The following TBC1D4 variants were observed in gnomAD, a reference collection of about 807,000 sequenced individuals.
TBC1D4 encodes the protein TBC1 domain family member 4, also known as TBC (Tre-2, BUB2, CDC16) domain-containing protein.
TBC1D4 carries 121 observed loss-of-function variants against 142.5 expected under a neutral mutation model. That is an observed-to-expected ratio of 0.85 (90% CI 0.73 to 0.99). The LOEUF (loss-of-function observed/expected upper bound fraction) is 0.99. TBC1D4 is among the 50% of genes least tolerant of loss of function. The pLI is 0.00. For missense variants in TBC1D4, 1,475 were observed against 1,606.6 expected (o/e 0.92, Z 1.40); for synonymous variants, 630 against 628.2 (o/e 1.00, Z -0.04).
intron 1 of TBC1D4, among the ~76,000 whole-genome samples, chr13:75,370,361 A>G (rs1273235006): frequency 1.3e-5 from 2 of 152,176 alleles, no homozygotes; most frequent in Non-Finnish European, 2.9e-5. Context: ...TGTGGAAATG[A>G]CATGATCTAA....
intron 17 of TBC1D4, among the ~76,000 whole-genome samples, chr13:75,296,272 C>A (rs934060471): frequency 6.6e-6 from 1 of 151,500 alleles, no homozygotes; most frequent in Non-Finnish European, 1.5e-5. Context: ...TCCTTTAGAC[C>A]ATTTACATCG....
intron 1 of TBC1D4, among the ~76,000 whole-genome samples, chr13:75,378,537 T>C (rs772218212): frequency 3.3e-5 from 5 of 152,098 alleles, no homozygotes; most frequent in African/African-American, 4.8e-5. Context: ...ACTGAAAAGA[T>C]AAACAGATAC....
intron 1 of TBC1D4, among the ~76,000 whole-genome samples, chr13:75,434,805 T>A (rs1486524447): frequency 6.6e-6 from 1 of 151,750 alleles, no homozygotes; most frequent in Non-Finnish European, 1.5e-5. Context: ...ATCTAAAAAC[T>A]GTTGCTTTCA....
intron 19 of TBC1D4, among the ~76,000 whole-genome samples, chr13:75,289,790 G>A (rs74723191): frequency 0.018 from 2,673 of 152,220 alleles, 77 homozygotes; most frequent in African/African-American, 0.06. Flanking sequence ...TAGGAAGGTC[G>A]TTTGCTTTGA....
Position 75,326,500 on chromosome 13 carries a change from G to A in TBC1D4, c.1807-77C>T, listed in dbSNP as rs1338590166. The A allele has an allele frequency of 1.2e-5, 17 of 1,447,396 alleles. No individual in the cohort carries two copies. The East Asian group carries it at 3.7e-4, about 31-fold the overall frequency. 89.7% of individuals were successfully genotyped at this position (1,447,396 alleles called of 1,614,324 possible). A position where few individuals can be genotyped will look rare whatever the true frequency, so the allele number is the denominator to read the frequency against. On this transcript the variant is annotated intron_variant, in intron 9 of 20. Coordinates refer to ENST00000377636, the MANE Select transcript of TBC1D4 (RefSeq NM_014832.5). Reference sequence around the variant, plus strand: ...ACCTGCCAAAACACAGAGCTCAAAAGTGACAGTGTGCCTCATCTTCCTCCT... The same window carrying A: ...ACCTGCCAAAACACAGAGCTCAAAAATGACAGTGTGCCTCATCTTCCTCCT...
Position 75,294,965 on chromosome 13 carries a change from G to T in TBC1D4, c.3205C>A (p.Leu1069Ile), listed in dbSNP as rs761296235. Reference protein sequence around the residue: ...SRLLHDYHRDLYNHLEENEIS... With the variant: ...SRLLHDYHRDIYNHLEENEIS... The stretch of plus-strand genomic sequence containing the variant: ...TCATTTTCTTCAAGGTGATTGTAGA[G>T]ATCTCTGTGATAGTCATGAAGGAGC... The change falls in exon 18 of 21, where the codon CTC becomes ATC. Residue 1069 changes from leucine (L) to isoleucine (I), a missense_variant. By Grantham distance (5) the Leu-to-Ile change is conservative. Around this residue, in one of 2 missense-constraint regions of TBC1D4, gnomAD observed 248 missense variants for 338.9 expected, o/e 0.73. Transcript: ENST00000377636. The T allele has an allele frequency of 1.9e-6, 3 of 1,613,900 alleles. No homozygotes were observed. In the East Asian group the frequency reaches 6.7e-5, roughly 36 times the overall value.
chr13:75,402,130 A>G (rs573567215), intron 1 of TBC1D4, among the ~76,000 whole-genome samples: 1 of 152,220 alleles, frequency 6.6e-6, no homozygotes, highest in African/African-American at 2.4e-5. Context: ...CATGGCACAG[A>G]TTCTAGTAGA....
chr13:75,341,583 G>A lies in TBC1D4; in HGVS notation c.1413C>T (p.Leu471=), dbSNP rs1880708172. ...TCACCAGCTTGGCTCTTGGTGGGTA[G>A]AGACCTAAGGAAAATGATGAGGGAA... The part of the protein sequence containing the change: ...LHKLCERIEG[L]YPPRAKLVIQ... The change falls in exon 6 of 21, where the codon CTC becomes CTT. Residue 471 remains leucine (L), a synonymous_variant. Coordinates refer to ENST00000377636, the MANE Select transcript of TBC1D4 (RefSeq NM_014832.5). 6.2e-7 allele frequency: 1 copy of A among 1,613,382 alleles called. No individual in the cohort carries two copies. Among genetic ancestry groups the A allele is most frequent in the East Asian group, 2.2e-5 (1 of 44,866 alleles).
chr13:75,477,402 T>C (rs748971232), intron 1 of TBC1D4, among the ~76,000 whole-genome samples: 30 of 152,252 alleles, frequency 2.0e-4, no homozygotes, highest in Admixed American at 3.3e-4. Context: ...AGAACACAAT[T>C]TGTAAAGTCT....
At chr13:75,298,128 A>G (rs1227190478) in intron 17 of TBC1D4, among the ~76,000 whole-genome samples, 1 of 152,246 alleles carries the variant, frequency 6.6e-6, no homozygotes, top group Non-Finnish European at 1.5e-5. Context: ...TTTTAAAAGC[A>G]TCTTTAAACT....
chr13:75,451,910 C>A (rs35213804), intron 1 of TBC1D4, among the ~76,000 whole-genome samples: 14,752 of 151,784 alleles, frequency 0.097, 904 homozygotes, highest in Middle Eastern at 0.15. Context: ...GTGAAGCAAA[C>A]CAAATAATTA....
At chr13:75,475,843 G>C (rs890638883) in intron 1 of TBC1D4, among the ~76,000 whole-genome samples, 1 of 152,180 alleles carries the variant, frequency 6.6e-6, no homozygotes, top group African/African-American at 2.4e-5. Context: ...ACATACTTGG[G>C]AACAGAAGTG....
chr13:75,478,638 GC>G (rs1255778066), intron 1 of TBC1D4, among the ~76,000 whole-genome samples: 1 of 152,144 alleles, frequency 6.6e-6, no homozygotes, highest in Non-Finnish European at 1.5e-5. Flanking sequence ...ACTATCCACA[GC>G]CAACTCTGCA....
At chr13:75,379,930 G>A (rs1883729781) in intron 1 of TBC1D4, among the ~76,000 whole-genome samples, 2 of 106,468 alleles carry the variant, frequency 1.9e-5, no homozygotes, top group South Asian at 3.2e-4. Flanking sequence ...TTTTGAGAAA[G>A]AGTCTTGCTC....
rs533734865 is a variant in TBC1D4, at chr13:75,292,992, G to A, written c.3317-721C>T. Among the ~76,000 whole-genome samples the A allele has an allele frequency of 5.5e-4, 84 of 151,896 alleles. No homozygotes were observed. In the South Asian group the frequency reaches 9.1e-3, roughly 17 times the overall value. ...CAACATGGTGAAACCCCGTCTCTAC[G>A]AAAAATACAAAAATTAGCTGAGTGT... On this transcript the variant is annotated intron_variant, in intron 18 of 20. Transcript: ENST00000377636.
chr13:75,294,516 T>A (rs1246967500), intron 18 of TBC1D4, among the ~76,000 whole-genome samples: 1 of 152,352 alleles, frequency 6.6e-6, no homozygotes, highest in Non-Finnish European at 1.5e-5. Flanking sequence ...GAAACATGTA[T>A]ATAAAAATCT....
At chr13:75,299,048 G>A (rs1178670236) in intron 17 of TBC1D4, among the ~76,000 whole-genome samples, 1 of 152,146 alleles carries the variant, frequency 6.6e-6, no homozygotes, top group Non-Finnish European at 1.5e-5. Context: ...TAGACTTAGG[G>A]CATAAAGGAC....
At chr13:75,339,305 CA>C (rs3837545) in intron 7 of TBC1D4, among the ~76,000 whole-genome samples, 62,439 of 151,754 alleles carry the variant, frequency 0.41, 13,545 homozygotes, top group East Asian at 0.66. Flanking sequence ...CTAACCCCCT[CA>C]ACCAAGCAAC....
At chr13:75,453,626 C>T (rs567711498) in intron 1 of TBC1D4, among the ~76,000 whole-genome samples, 1 of 152,166 alleles carries the variant, frequency 6.6e-6, no homozygotes, top group Non-Finnish European at 1.5e-5. Flanking sequence ...CTTTGGGATG[C>T]CAAGGTGGGT....
Sources: gnomAD v4.1 joint callset for allele counts (sites outside exome capture counted in the v4.1 genomes callset) on GRCh38, gnomAD v4.1.1 for gene constraint, gnomAD v4.1.1 regional missense constraint, MANE v1.5 for transcripts, NCBI Gene and HGNC (gene_info 2026-07-23, HGNC 2026-07-21) for gene names.